The following STK33 variants were observed in gnomAD, a reference collection of about 807,000 sequenced individuals.
STK33 encodes the protein serine/threonine kinase 33.
A neutral mutation model predicts 58.0 loss-of-function variants in STK33; 52 were observed. The ratio of observed to expected loss-of-function variants is 0.90; its 90% confidence interval spans 0.72 to 1.13. The LOEUF (loss-of-function observed/expected upper bound fraction) is 1.13, where lower values mean the gene tolerates loss of function less well. Among genes scored for constraint, STK33 ranks in the 50% most tolerant of loss-of-function variants. The pLI, the probability that STK33 is intolerant of heterozygous loss-of-function variation, is 0.00. For missense variants in STK33, 630 were observed against 604.2 expected (o/e 1.04, Z -0.45); for synonymous variants, 215 against 200.1 (o/e 1.07, Z -0.63).
chr11:8,538,185 CAAA>C (rs879392901), intron 1 of STK33, among the ~76,000 whole-genome samples: 1 of 134,518 alleles, frequency 7.4e-6, no homozygotes, highest in Non-Finnish European at 1.6e-5. Context: ...CAGACAGTAT[CAAA>C]AAAAAAAAAG....
chr11:8,474,819 G>A lies in STK33; in HGVS notation c.87C>T (p.Ser29=), dbSNP rs767163503. The A allele has an allele frequency of 1.2e-6, 2 of 1,612,734 alleles. No homozygotes were observed. The highest frequency in any genetic ancestry group is 2.7e-5 in the African/African-American group (2 of 74,840). ...ASQKDVLCVC[S]SKTRVPPVLV... Reference sequence around the variant, plus strand: ...AAACTGGAGGAACCCTTGTTTTGCTGGAACATACACAAAGTACATCTTTCT... The same window carrying A: ...AAACTGGAGGAACCCTTGTTTTGCTAGAACATACACAAAGTACATCTTTCT... Residue 29 remains serine, a synonymous_variant, in exon 5 of 16, where the codon TCC becomes TCT. Transcript: ENST00000687296.
downstream of STK33, among the ~76,000 whole-genome samples, chr11:8,387,225 A>G (rs1848556164): frequency 1.3e-5 from 2 of 152,184 alleles, no homozygotes; most frequent in African/African-American, 4.8e-5. Context: ...CCTGCTGGAG[A>G]CAGAGGTGTT....
intron 1 of STK33, among the ~76,000 whole-genome samples, chr11:8,517,788 G>GA (rs1185822343): frequency 6.6e-6 from 1 of 152,036 alleles, no homozygotes; most frequent in Admixed American, 6.6e-5. Context: ...GAAGTTTAGA[G>GA]AAAAAAGAGT....
the STK33 span, among the ~76,000 whole-genome samples, chr11:8,361,747 G>C: frequency 6.6e-6 from 1 of 152,358 alleles, no homozygotes; most frequent in Non-Finnish European, 1.5e-5. This position sits in a 1 kb window ranked among gnomAD's most constrained non-coding sequence, Gnocchi z 4.8. Flanking sequence ...GAACGCCTCT[G>C]CAAGGGTCAG....
intron 1 of STK33, among the ~76,000 whole-genome samples, chr11:8,559,248 C>A (rs1956967734): frequency 6.6e-6 from 1 of 152,172 alleles, no homozygotes; most frequent in Non-Finnish European, 1.5e-5. Context: ...TCTCACATAT[C>A]CCCAACACCT....
intron 14 of STK33, among the ~76,000 whole-genome samples, chr11:8,426,853 T>A (rs555039411): frequency 6.6e-6 from 1 of 152,258 alleles, no homozygotes; most frequent in South Asian, 2.1e-4. Context: ...TCTTTATATG[T>A]TTTTCATTCC....
chr11:8,400,706 T>G (rs1392502398), intron 15 of STK33, among the ~76,000 whole-genome samples: 1 of 152,212 alleles, frequency 6.6e-6, no homozygotes, highest in African/African-American at 2.4e-5. Flanking sequence ...GACATGATTG[T>G]ATATCTAGAA....
intron 1 of STK33, among the ~76,000 whole-genome samples, chr11:8,530,398 A>T (rs577690154): frequency 1.3e-5 from 2 of 152,128 alleles, no homozygotes; most frequent in South Asian, 4.2e-4. Context: ...GGTGGGGGAA[A>T]TAGTTGAAAT....
intron 1 of STK33, among the ~76,000 whole-genome samples, chr11:8,510,171 T>G (rs188370333): frequency 3.9e-5 from 6 of 152,254 alleles, no homozygotes; most frequent in African/African-American, 1.4e-4. Context: ...CACCTATTAT[T>G]TTTTGGCTTT....
intron 15 of STK33, among the ~76,000 whole-genome samples, chr11:8,410,916 C>A (rs1376889870): frequency 2.0e-5 from 3 of 152,238 alleles, no homozygotes; most frequent in African/African-American, 7.2e-5. Flanking sequence ...CCAGTCCCTT[C>A]CTCTATGGTT....
In STK33 at chr11:8,486,150, T is replaced by A. The variant is rs554340358; in HGVS notation, c.-465-5536A>T. On this transcript the variant is annotated intron_variant, in intron 1 of 15. Coordinates refer to ENST00000687296, the MANE Select transcript of STK33 (RefSeq NM_001352389.2). ...TACTCTCAAAGCTTTCTCCATACTC[T>A]AGCCAGAATACTCTTTCTAATATGC... Among the ~76,000 whole-genome samples the A allele has an allele frequency of 1.2e-4, 19 of 152,254 alleles. No homozygotes were observed. In the South Asian group the frequency reaches 3.9e-3, roughly 32 times the overall value.
At chr11:8,576,563 T>A (rs1477259562) in intron 1 of STK33, among the ~76,000 whole-genome samples, 1 of 152,222 alleles carries the variant, frequency 6.6e-6, no homozygotes, top group Non-Finnish European at 1.5e-5. Flanking sequence ...ATAACAGATA[T>A]TAACTTTCTC....
chr11:8,440,731 G>A lies in STK33; in HGVS notation c.894C>T (p.His298=), dbSNP rs760246146. The change falls in exon 12 of 16, where the codon CAC becomes CAT. Residue 298 remains histidine (H), a synonymous_variant. Transcript: ENST00000687296. ...AAATGTCACACTGCTGGCTATAGTC[G>A]TGGGCACTGATAACTTCAGGGGCTG... ...IYMAPEVISA[H]DYSQQCDIWS... is the part of the protein sequence containing the mutation. 16 of 1,569,458 alleles carry A rather than the reference G, an allele frequency of 1.0e-5. No homozygotes were observed. Among genetic ancestry groups the A allele is most frequent in the South Asian group, 2.3e-5 (2 of 85,422 alleles).
chr11:8,359,213 T>C, the STK33 span, among the ~76,000 whole-genome samples: 4 of 152,198 alleles, frequency 2.6e-5, no homozygotes, highest in Non-Finnish European at 4.4e-5. Flanking sequence ...AAGGACATTG[T>C]TGGGATGCTT....
chr11:8,350,225 T>C, the STK33 span, among the ~76,000 whole-genome samples: 45 of 152,322 alleles, frequency 3.0e-4, no homozygotes, highest in African/African-American at 1.0e-3. Flanking sequence ...GCCTGTGCCT[T>C]CTACACCCAC....
intron 1 of STK33, among the ~76,000 whole-genome samples, chr11:8,518,036 T>C (rs1952978621): frequency 1.3e-5 from 2 of 151,996 alleles, no homozygotes; most frequent in African/African-American, 4.8e-5. Context: ...AGACACATAA[T>C]TGTCAGATTC....
intron 14 of STK33, among the ~76,000 whole-genome samples, chr11:8,434,425 C>T (rs1943811440): frequency 6.6e-6 from 1 of 152,034 alleles, no homozygotes; most frequent in South Asian, 2.1e-4. Flanking sequence ...AATCTCAGTT[C>T]TCAGAAAAAT....
chr11:8,481,208 C>A (rs1437945105), intron 1 of STK33, among the ~76,000 whole-genome samples: 1 of 152,200 alleles, frequency 6.6e-6, no homozygotes, highest in Non-Finnish European at 1.5e-5. Flanking sequence ...GTCCAGGCAA[C>A]TTTCCCCTTA....
At chr11:8,545,077 T>C (rs1439425001) in intron 1 of STK33, among the ~76,000 whole-genome samples, 2 of 152,172 alleles carry the variant, frequency 1.3e-5, no homozygotes, top group East Asian at 3.8e-4. Context: ...TGATTTTTAA[T>C]AAAATCTTAC....
Sources: gnomAD v4.1 joint callset for allele counts (sites outside exome capture counted in the v4.1 genomes callset) on GRCh38, gnomAD v4.1.1 for gene constraint, Gnocchi (gnomAD v3.1) non-coding constraint, MANE v1.5 for transcripts, NCBI Gene and HGNC (gene_info 2026-07-23, HGNC 2026-07-21) for gene names.